The following NTRK3 variants were observed in gnomAD, a reference collection of about 807,000 sequenced individuals.
NTRK3 encodes the protein NT-3 growth factor receptor.
A neutral mutation model predicts 91.7 loss-of-function variants in NTRK3; 24 were observed. The ratio of observed to expected loss-of-function variants is 0.26; its 90% CI spans 0.19 to 0.37. NTRK3 has a LOEUF of 0.37. Ranked by LOEUF, NTRK3 falls within the 10% of genes least tolerant of loss-of-function variation. The pLI is 1.00. For missense variants in NTRK3, 880 were observed against 1,068.9 expected, an observed-to-expected ratio of 0.82 and a Z score of 2.46; for synonymous variants, 483 against 404.0, an observed-to-expected ratio of 1.20 and a Z score of -2.34.
At chr15:88,050,980 G>T (rs530094559) in intron 13 of NTRK3, among the ~76,000 whole-genome samples, 2 of 152,266 alleles carry the variant, frequency 1.3e-5, no homozygotes, top group African/African-American at 4.8e-5. Flanking sequence ...GTCTGTTGCA[G>T]AATTTTCATC....
At chr15:88,160,806 G>T (rs1398488153) in intron 5 of NTRK3, among the ~76,000 whole-genome samples, 1 of 152,190 alleles carries the variant, frequency 6.6e-6, no homozygotes, top group East Asian at 1.9e-4. Flanking sequence ...CTCTGGAAGG[G>T]AACAGTGGCT....
chr15:87,947,051 G>C (rs116854440), intron 14 of NTRK3, among the ~76,000 whole-genome samples: 3,516 of 151,832 alleles, frequency 0.023, 51 homozygotes, highest in Non-Finnish European at 0.033. Context: ...GTGAATTTTT[G>C]TACTTTTAGT....
At chr15:87,981,580 C>T (rs1213004738) in intron 14 of NTRK3, among the ~76,000 whole-genome samples, 1 of 152,166 alleles carries the variant, frequency 6.6e-6, no homozygotes, top group Non-Finnish European at 1.5e-5. Flanking sequence ...AGAAATGGCA[C>T]AAGTTAGAGT....
rs373797022 is a variant in NTRK3, at chr15:88,203,940, T to C, written c.249-19641A>G. On this transcript the variant is annotated intron_variant, in intron 3 of 18. Coordinates refer to ENST00000394480, the Ensembl canonical transcript of NTRK3. ...CAGGTTTGTTACACGGGTATACATA[T>C]GCCATGGTGGTTTGCTGCACCTATC... Among the ~76,000 whole-genome samples, 638 of 150,928 alleles carry C rather than the reference T, an allele frequency of 4.2e-3. 5 individuals carry two copies. Among genetic ancestry groups the C allele is most frequent in the African/African-American group, 0.015 (588 of 40,232 alleles).
chr15:87,933,905 C>T (rs1487770737), intron 15 of NTRK3, among the ~76,000 whole-genome samples: 5 of 152,170 alleles, frequency 3.3e-5, no homozygotes, highest in African/African-American at 9.7e-5. Flanking sequence ...AAAGGAGCAT[C>T]TGGGGGCCAC....
chr15:87,900,955 G>A (rs569877327), intron 17 of NTRK3, among the ~76,000 whole-genome samples: 7 of 152,216 alleles, frequency 4.6e-5, no homozygotes, highest in African/African-American at 1.7e-4. Flanking sequence ...TGCCCCTCCT[G>A]GCCCTGTGAG....
chr15:87,942,240 T>A (rs1037089520), intron 14 of NTRK3, among the ~76,000 whole-genome samples: 1 of 152,236 alleles, frequency 6.6e-6, no homozygotes, highest in Non-Finnish European at 1.5e-5. Flanking sequence ...AGGACAGACC[T>A]GCACGTTAAC....
chr15:87,991,266 G>C (rs2075266518), intron 14 of NTRK3, among the ~76,000 whole-genome samples: 1 of 152,094 alleles, frequency 6.6e-6, no homozygotes, highest in Admixed American at 6.6e-5. Flanking sequence ...TTGGATCTCA[G>C]ACTGACAGCA....
At chr15:87,997,188 C>T (rs897123254) in intron 14 of NTRK3, among the ~76,000 whole-genome samples, 5 of 152,156 alleles carry the variant, frequency 3.3e-5, no homozygotes, top group Admixed American at 6.5e-5. Flanking sequence ...CTTGGAGACC[C>T]AAGGGATTAT....
chr15:87,945,691 G>A (rs762810612), intron 14 of NTRK3, among the ~76,000 whole-genome samples: 3 of 150,900 alleles, frequency 2.0e-5, no homozygotes, highest in South Asian at 2.1e-4. Context: ...CCCTGTTCTG[G>A]GAGAATGAGG....
chr15:87,908,975 A>G (rs1386709747), intron 17 of NTRK3, among the ~76,000 whole-genome samples: 1 of 152,082 alleles, frequency 6.6e-6, no homozygotes, highest in African/African-American at 2.4e-5. Context: ...AGTGGGTTCT[A>G]TCTAGAATTT....
intron 13 of NTRK3, among the ~76,000 whole-genome samples, chr15:88,086,012 G>T (rs572128341): frequency 2.6e-5 from 4 of 152,194 alleles, no homozygotes; most frequent in African/African-American, 7.2e-5. Flanking sequence ...CAGTCTAAGA[G>T]GCATATGTCA....
At chr15:87,969,646 C>T (rs1040934120) in intron 14 of NTRK3, among the ~76,000 whole-genome samples, 3 of 152,116 alleles carry the variant, frequency 2.0e-5, no homozygotes, top group Non-Finnish European at 4.4e-5. Flanking sequence ...AAGTCAGAAT[C>T]TTTATGTGAA....
intron 17 of NTRK3, among the ~76,000 whole-genome samples, chr15:87,890,465 T>C (rs1275205548): frequency 6.6e-6 from 1 of 152,178 alleles, no homozygotes; most frequent in Admixed American, 6.5e-5. Context: ...TCATTCTCTT[T>C]ATTTGCTAGT....
intron 17 of NTRK3, among the ~76,000 whole-genome samples, chr15:87,891,256 A>C (rs1048837522): frequency 6.6e-6 from 1 of 152,200 alleles, no homozygotes; most frequent in African/African-American, 2.4e-5. Context: ...AAACATAGCT[A>C]TGTTTTAAAG....
intron 3 of NTRK3, among the ~76,000 whole-genome samples, chr15:88,200,340 A>T (rs1444513223): frequency 1.3e-5 from 2 of 152,172 alleles, no homozygotes; most frequent in Non-Finnish European, 2.9e-5. Flanking sequence ...TTTATTTATA[A>T]GCACCTACTA....
At chr15:88,031,963 T>A (rs539332520) in intron 14 of NTRK3, among the ~76,000 whole-genome samples, 1 of 152,204 alleles carries the variant, frequency 6.6e-6, no homozygotes, top group East Asian at 1.9e-4. Flanking sequence ...TATTCCTGTC[T>A]GTAAGGTGAG....
chr15:87,885,192 G>A (rs1290155157), intron 17 of NTRK3, among the ~76,000 whole-genome samples: 3 of 151,902 alleles, frequency 2.0e-5, no homozygotes, highest in Non-Finnish European at 4.4e-5. Flanking sequence ...AAACACCTCA[G>A]CATAAACCTT....
intron 5 of NTRK3, among the ~76,000 whole-genome samples, chr15:88,148,391 A>C (rs1314601863): frequency 6.6e-6 from 1 of 152,212 alleles, no homozygotes; most frequent in Non-Finnish European, 1.5e-5. Context: ...ATGAATAAGC[A>C]GAAGGAAGAG....
Sources: allele counts gnomAD v4.1 joint callset (sites outside exome capture counted in the v4.1 genomes callset), GRCh38; gene constraint gnomAD v4.1.1; transcripts MANE v1.5; gene names NCBI Gene and HGNC (gene_info 2026-07-23, HGNC 2026-07-21).